The following SENP5 variants were observed in gnomAD, a reference collection of about 807,000 sequenced individuals.
The protein encoded by SENP5 is sentrin-specific protease 5.
SENP5 carries 21 observed loss-of-function variants against 74.2 expected under a neutral mutation model. The ratio of observed to expected loss-of-function variants is 0.28; its 90% CI spans 0.20 to 0.41. SENP5 has a LOEUF of 0.41. SENP5 is among the 10% of genes least tolerant of loss of function. The pLI is 1.00. For synonymous variants in SENP5, 311 were observed against 312.7 expected (o/e 0.99, Z 0.06); for missense variants, 717 against 889.1 (o/e 0.81, Z 2.46).
intron 6 of SENP5, among the ~76,000 whole-genome samples, chr3:196,920,347 AGTT>A (rs944874468): frequency 7.2e-5 from 11 of 152,144 alleles, no homozygotes; most frequent in African/African-American, 2.7e-4. Flanking sequence ...ATTATCTTCT[AGTT>A]GTTTGTATAT....
chr3:196,931,600 TA>T lies in SENP5; in HGVS notation c.*679del, dbSNP rs1322331296. 1.2e-5 allele frequency: 3 copies of T among 251,168 alleles called. No homozygotes were observed. Among genetic ancestry groups the T allele is most frequent in the Non-Finnish European group, 2.3e-5 (3 of 128,164 alleles). 15.6% of individuals were successfully genotyped at this position (251,168 alleles called of 1,614,324 possible). ...GAGAAAAAGCAACCTTGGAGGCCAG[TA>T]ACAATGACAGATTTCAATCGTGGTT... On this transcript the variant is annotated 3_prime_UTR_variant, in exon 10 of 10. Transcript: ENST00000323460.
intron 6 of SENP5, among the ~76,000 whole-genome samples, chr3:196,921,001 T>G (rs1715593317): frequency 6.6e-6 from 1 of 152,202 alleles, no homozygotes; most frequent in Non-Finnish European, 1.5e-5. Flanking sequence ...CAACAAATAA[T>G]TGGGGTCAGT....
Position 196,922,413 on chromosome 3 carries a change from A to G in SENP5, c.1885-1001A>G, listed in dbSNP as rs371043077. Among the ~76,000 whole-genome samples the G allele has an allele frequency of 1.4e-4, 21 of 152,096 alleles. No individual in the cohort carries two copies. In the East Asian group the frequency reaches 2.7e-3, roughly 20 times the overall value. The stretch of plus-strand genomic sequence containing the variant: ...TGTTGAACGAGTCTAACTTGAGCAG[A>G]CTTGCTTCGGAGCCCATGATCTTAA... On this transcript the variant is annotated intron_variant, in intron 6 of 9. Transcript: ENST00000323460.
intron 4 of SENP5, 134 bp downstream of exon 4, chr3:196,900,196 G>T: frequency 7.9e-7 from 1 of 1,258,604 alleles, no homozygotes; most frequent in South Asian, 1.6e-5. Context: ...CTTGCCCCAG[G>T]ATCCAAACGG....
At chr3:196,869,685 G>A (rs1351516520) in intron 1 of SENP5, among the ~76,000 whole-genome samples, 2 of 149,948 alleles carry the variant, frequency 1.3e-5, no homozygotes, top group East Asian at 2.0e-4. Context: ...GCTTGAACCC[G>A]GGAGGCGAGG....
chr3:196,915,848 G>A (rs866554982), intron 6 of SENP5, among the ~76,000 whole-genome samples: 3 of 152,180 alleles, frequency 2.0e-5, no homozygotes, highest in Non-Finnish European at 2.9e-5. Context: ...CTGGGCTTGG[G>A]GCTCCCTGTA....
At position 196,931,517 on chromosome 3, in the gene SENP5, T is replaced by C; in HGVS notation, c.*594T>C. ...AAGTGGTCGTAAACTGACTGGTGTC[T>C]TCTGTTTCTGGAGGCACACTTGTAA... is the stretch of plus-strand genomic sequence containing the variant. On this transcript the variant is annotated 3_prime_UTR_variant, in exon 10 of 10. Transcript: ENST00000323460. 5.0e-6 allele frequency: 1 copy of C among 200,844 alleles called. No homozygotes were observed. Among genetic ancestry groups the C allele is most frequent in the Non-Finnish European group, 1.0e-5 (1 of 99,286 alleles). The allele number at this position is 200,844 out of a possible 1,614,324, so 12.4% of individuals were successfully genotyped here. A position where few individuals can be genotyped will look rare whatever the true frequency, so the allele number is the denominator to read the frequency against.
At chr3:196,930,306 C>T (rs765693691) in intron 9 of SENP5, among the ~76,000 whole-genome samples, 1 of 152,170 alleles carries the variant, frequency 6.6e-6, no homozygotes, top group Non-Finnish European at 1.5e-5. Context: ...CAGCAGGTTG[C>T]ACTTTGGGAG....
chr3:196,918,755 G>A (rs907172005), intron 6 of SENP5, among the ~76,000 whole-genome samples: 14 of 152,150 alleles, frequency 9.2e-5, no homozygotes, highest in African/African-American at 3.1e-4. Context: ...ACCATATGCT[G>A]CCTACAAGAA....
At chr3:196,880,847 G>A (rs561358440) in intron 1 of SENP5, among the ~76,000 whole-genome samples, 3 of 152,096 alleles carry the variant, frequency 2.0e-5, no homozygotes, top group African/African-American at 7.2e-5. Context: ...CACCGTGTTG[G>A]CCAGACTGGT....
chr3:196,885,772 C>T lies in SENP5; in HGVS notation c.591C>T (p.Tyr197=), dbSNP rs764109421. ...ACCATAAGAGAAAGGGCTTTTGTTACGGCTGCTGCCAAGGGCCGGAGCACC... is the reference window on the plus strand; with the variant it reads ...ACCATAAGAGAAAGGGCTTTTGTTATGGCTGCTGCCAAGGGCCGGAGCACC... ...LNNHKRKGFC[Y]GCCQGPEHHR... Residue 197 remains tyrosine (Y), a synonymous_variant, in exon 2 of 10, where the codon TAC becomes TAT. Transcript: ENST00000323460. 64 of 1,614,076 alleles carry T rather than the reference C, an allele frequency of 4.0e-5. No individual in the cohort carries two copies. Among genetic ancestry groups the T allele is most frequent in the Middle Eastern group, 1.6e-4 (1 of 6,084 alleles).
At chr3:196,886,818 C>A (rs1418248068) in intron 2 of SENP5, 124 bp downstream of exon 2, 2 of 669,310 alleles carry the variant, frequency 3.0e-6, no homozygotes, top group Non-Finnish European at 4.8e-6. Context: ...AGTTAGTCTG[C>A]TTGAAGCCTT....
intron 2 of SENP5, among the ~76,000 whole-genome samples, chr3:196,898,278 C>T (rs1158865146): frequency 6.6e-6 from 1 of 151,442 alleles, no homozygotes; most frequent in Non-Finnish European, 1.5e-5. Context: ...AGCACATATA[C>T]ATGTTACTTA....
Position 196,870,678 on chromosome 3 carries a change from C to T in SENP5, c.-32+2605C>T, listed in dbSNP as rs1479233826. Among the ~76,000 whole-genome samples, 23 of 151,790 alleles carry T rather than the reference C, an allele frequency of 1.5e-4. 1 individual carries two copies. Among genetic ancestry groups the T allele is most frequent in the South Asian group, 2.1e-4 (1 of 4,796 alleles). ...GATTACAAGCGCCCACCACCACGCC[C>T]GGCTAATTTTTGTATTTTTAGTAGA... On this transcript the variant is annotated intron_variant, in intron 1 of 9. Transcript: ENST00000323460.
chr3:196,899,382 C>T (rs1281131771), intron 2 of SENP5, among the ~76,000 whole-genome samples: 1 of 139,372 alleles, frequency 7.2e-6, no homozygotes, highest in East Asian at 1.9e-4. Flanking sequence ...TTAGTATTTC[C>T]TTCTAGCTAT....
In SENP5 at chr3:196,885,981, G is replaced by C. The variant is rs890516145; in HGVS notation, c.800G>C (p.Trp267Ser). The change falls in exon 2 of 10, where the codon TGG becomes TCG. Residue 267 changes from tryptophan to serine, a missense_variant. Trp to Ser is a radical substitution (Grantham distance 177). Around this residue, in one of 4 missense-constraint regions of SENP5, gnomAD observed 567 missense variants for 577.4 expected, o/e 0.98. Coordinates refer to ENST00000323460, the MANE Select transcript of SENP5 (RefSeq NM_152699.5). ...AAGCTAAGAAAAGCCCAGCGAAGCT[G>C]GGTACAGAAAGTCACTGGGGACCAT... The part of the protein sequence containing the change: ...VCKLRKAQRS[W>S]VQKVTGDHQE... 5 of 1,614,108 alleles carry C rather than the reference G, an allele frequency of 3.1e-6. No homozygotes were observed. In the Admixed American group the frequency reaches 6.7e-5, roughly 22 times the overall value.
Position 196,933,020 on chromosome 3 carries a change from G to GT in SENP5, c.*2112dup, listed in dbSNP as rs71161976. 7.7e-3 allele frequency: 935 copies of GT among 121,112 alleles called. 13 individuals carry two copies. Among genetic ancestry groups the GT allele is most frequent in the Middle Eastern group, 0.017 (4 of 232 alleles). The allele number at this position is 121,112 out of a possible 1,614,324, so 7.5% of individuals were successfully genotyped here. Reference sequence around the variant, plus strand: ...ACTAAATGTTGAGTTTGGGTTTTTTGTTTTTTTTTTTTTTTGAGTCAGAGT... The same window carrying GT: ...ACTAAATGTTGAGTTTGGGTTTTTTGTTTTTTTTTTTTTTTTGAGTCAGAGT... On this transcript the variant is annotated 3_prime_UTR_variant, in exon 10 of 10. Transcript: ENST00000323460.
In SENP5 at chr3:196,885,561, A is replaced by G. The variant is rs1398036189; in HGVS notation, c.380A>G (p.Asp127Gly). The change falls in exon 2 of 10, where the codon GAC becomes GGC. Residue 127 changes from aspartate (D) to glycine (G), a missense_variant. Around this residue, in one of 4 missense-constraint regions of SENP5, gnomAD observed 567 missense variants for 577.4 expected, o/e 0.98. Coordinates refer to ENST00000323460, the MANE Select transcript of SENP5 (RefSeq NM_152699.5). ...EKLLSSAKNS[D>G]HEYCREKNLL... ...CTGTTGTCATCAGCAAAGAATTCTG[A>G]CCATGAATACTGCAGAGAGAAAAAT... 6.2e-7 allele frequency: 1 copy of G among 1,614,150 alleles called. No homozygotes were observed. Among genetic ancestry groups the G allele is most frequent in the Non-Finnish European group, 8.5e-7 (1 of 1,180,044 alleles).
intron 2 of SENP5, among the ~76,000 whole-genome samples, chr3:196,896,386 T>TG (rs1714441687): frequency 6.6e-6 from 1 of 152,224 alleles, no homozygotes; most frequent in African/African-American, 2.4e-5. Flanking sequence ...TTCTACCATA[T>TG]GCTAGTTAAG....
Sources: allele counts gnomAD v4.1 joint callset (sites outside exome capture counted in the v4.1 genomes callset), GRCh38; gene constraint gnomAD v4.1.1; regional missense constraint gnomAD v4.1.1; transcripts MANE v1.5; gene names NCBI Gene and HGNC (gene_info 2026-07-23, HGNC 2026-07-21).